The following C4BPA variants were observed in gnomAD, a reference collection of about 807,000 sequenced individuals.
C4BPA encodes the protein C4b-binding protein alpha chain.
A neutral mutation model predicts 63.7 loss-of-function variants in C4BPA; 31 were observed. The observed-to-expected ratio is 0.49, with a 90% CI of 0.37 to 0.66. The LOEUF (loss-of-function observed/expected upper bound fraction) is 0.66, where lower values mean the gene tolerates loss of function less well. Among genes scored for constraint, C4BPA ranks in the 30% least tolerant of loss-of-function variants. C4BPA has a pLI of 0.00. For synonymous variants in C4BPA, 259 were observed against 254.7 expected (o/e 1.02, Z -0.16); for missense variants, 572 against 723.3 (o/e 0.79, Z 2.40).
Position 207,139,414 on chromosome 1 carries a change from C to T in C4BPA, c.1274-1692C>T, listed in dbSNP as rs2842753. 6.7e-3 allele frequency among the ~76,000 whole-genome samples: 1,024 copies of T among 152,220 alleles called. 15 individuals are homozygous for T. The highest frequency in any genetic ancestry group is 0.023 in the African/African-American group (967 of 41,524). ...CTAATTTTCATGTTTCTCTCCCACC[C>T]CTGGGAGATATTGTGGTGGTGTTTT... On this transcript the variant is annotated intron_variant, in intron 9 of 11. Coordinates refer to ENST00000367070, the MANE Select transcript of C4BPA (RefSeq NM_000715.4).
rs114781676 is a variant in C4BPA at position 207,126,034 on chromosome 1, C to T, written c.707-679C>T. On this transcript the variant is annotated intron_variant, in intron 6 of 11. Coordinates refer to ENST00000367070, the MANE Select transcript of C4BPA (RefSeq NM_000715.4). ...TGCACTATGTAATTACCATGGGCCA[C>T]GGACCCATAACCAAAATCATCTAGG... Among the ~76,000 whole-genome samples, 549 of 151,900 alleles carry T rather than the reference C, an allele frequency of 3.6e-3. 8 individuals are homozygous for T. Among genetic ancestry groups the T allele is most frequent in the African/African-American group, 0.012 (503 of 41,404 alleles).
chr1:207,127,314 T>C (rs1452618053), intron 7 of C4BPA: 1 of 152,564 alleles, frequency 6.6e-6, no homozygotes, highest in African/African-American at 2.4e-5. Flanking sequence ...TACAAAAGTA[T>C]TGTGTGAACT....
chr1:207,124,841 A>C (rs934888127), intron 6 of C4BPA, among the ~76,000 whole-genome samples: 1 of 152,256 alleles, frequency 6.6e-6, no homozygotes, highest in Non-Finnish European at 1.5e-5. Context: ...GGAAGCAACC[A>C]CATATCACTT....
Position 207,114,145 on chromosome 1 carries a change from A to G in C4BPA, c.188A>G (p.Asp63Gly). ...PPTLSFAAPM[D>G]ITLTETRFKT... ...ACTTTATCATTTGCTGCCCCGATGG[A>G]TATTACGTTGACTGAGACACGCTTC... The change falls in exon 3 of 12, where the codon GAT becomes GGT. Residue 63 changes from aspartate (D) to glycine (G), a missense_variant. Asp to Gly is a moderately conservative substitution (Grantham distance 94). Coordinates refer to ENST00000367070, the MANE Select transcript of C4BPA (RefSeq NM_000715.4). 1 of 1,613,736 alleles carries G rather than the reference A, an allele frequency of 6.2e-7. No homozygotes were observed. Among genetic ancestry groups the G allele is most frequent in the Non-Finnish European group, 8.5e-7 (1 of 1,179,774 alleles).
intron 6 of C4BPA, 80 bp downstream of exon 6, chr1:207,124,446 G>T: frequency 2.7e-6 from 3 of 1,095,720 alleles, no homozygotes; most frequent in South Asian, 1.4e-5. Flanking sequence ...ATTTATTGGG[G>T]GGCAAATGGA....
At chr1:207,143,158 A>G (rs1418892768) in intron 10 of C4BPA, among the ~76,000 whole-genome samples, 1 of 152,212 alleles carries the variant, frequency 6.6e-6, no homozygotes, top group Non-Finnish European at 1.5e-5. Context: ...TGCAGCCATA[A>G]AAAAGAATGA....
At chr1:207,115,729 A>C (rs1194804517) in intron 4 of C4BPA, among the ~76,000 whole-genome samples, 1 of 152,214 alleles carries the variant, frequency 6.6e-6, no homozygotes, top group Admixed American at 6.5e-5. Flanking sequence ...CCTTATATAA[A>C]TACAAGCTAA....
chr1:207,144,028 C>T (rs372649454), intron 11 of C4BPA, 35 bp downstream of exon 11: 15 of 1,500,744 alleles, frequency 1.0e-5, no homozygotes, highest in East Asian at 9.3e-5. Flanking sequence ...TCTGTGCTGT[C>T]GACCCCTAAA....
At position 207,115,442 on chromosome 1, in the gene C4BPA, T is replaced by G; in HGVS notation, c.355T>G (p.Leu119Val). ...IYKRCRHPGE[L>V]RNGQVEIKTD... ...CAAACGATGCAGACACCCAGGAGAG[T>G]TACGTAATGGGCAAGTAGAGATTAA... Residue 119 changes from leucine to valine, a missense_variant, in exon 4 of 12, where the codon TTA becomes GTA. Physicochemically the swap from Leu to Val is conservative, Grantham distance 32. Transcript: ENST00000367070. 1 of 1,598,590 alleles carries G rather than the reference T, an allele frequency of 6.3e-7. No homozygotes were observed. Among genetic ancestry groups the G allele is most frequent in the Non-Finnish European group, 8.5e-7 (1 of 1,174,504 alleles).
At chr1:207,140,937 A>G (rs895020919) in intron 9 of C4BPA, among the ~76,000 whole-genome samples, 169 bp from the exon 10 acceptor site, 1 of 152,214 alleles carries the variant, frequency 6.6e-6, no homozygotes, top group African/African-American at 2.4e-5. Flanking sequence ...GCCCAGCTTG[A>G]GGCTTACAGG....
intron 7 of C4BPA, among the ~76,000 whole-genome samples, chr1:207,128,863 A>C (rs915640007): frequency 2.7e-5 from 4 of 149,100 alleles, no homozygotes; most frequent in South Asian, 2.1e-4. Flanking sequence ...TTCTGTTTTC[A>C]AAAAAAAAAT....
intron 9 of C4BPA, among the ~76,000 whole-genome samples, chr1:207,135,295 G>A (rs533588698): frequency 3.3e-5 from 5 of 152,018 alleles, no homozygotes; most frequent in East Asian, 1.9e-4. Flanking sequence ...CCGAGATCAC[G>A]CCACTGCATT....
chr1:207,121,450 T>TTTTGA (rs55928467), intron 4 of C4BPA, among the ~76,000 whole-genome samples: 87,834 of 151,110 alleles, frequency 0.58, 26,812 homozygotes, highest in East Asian at 0.73. Flanking sequence ...TTTGGTTTTC[T>TTTTGA]TTTGAATTTG....
At chr1:207,105,006 T>G (rs1684529787) in intron 1 of C4BPA, among the ~76,000 whole-genome samples, 1 of 152,228 alleles carries the variant, frequency 6.6e-6, no homozygotes, top group African/African-American at 2.4e-5. Context: ...CTTTCTGAAT[T>G]TGACGATGCT....
At chr1:207,143,740 C>G in intron 10 of C4BPA, 78 bp from the exon 11 acceptor site, 2 of 975,552 alleles carry the variant, frequency 2.1e-6, no homozygotes, top group Non-Finnish European at 3.2e-6. Flanking sequence ...AAATACAGTT[C>G]ATTCTTATTA....
intron 9 of C4BPA, among the ~76,000 whole-genome samples, chr1:207,137,114 C>T (rs1408886114): frequency 2.0e-5 from 3 of 152,184 alleles, no homozygotes; most frequent in Non-Finnish European, 4.4e-5. Flanking sequence ...TGGGAAGATC[C>T]CCATGTATGT....
At chr1:207,124,154 C>T (rs375865150) in intron 5 of C4BPA, 21 bp from the exon 6 acceptor site, 1 of 1,604,566 alleles carries the variant, frequency 6.2e-7, no homozygotes, top group African/African-American at 1.3e-5. Flanking sequence ...GTATTTCTTT[C>T]TCTTCACTCA....
At position 207,104,376 on chromosome 1, in the gene C4BPA, AG is replaced by A. The variant is rs1015378223; in HGVS notation, c.-79del. ...TAGATCAAGGCAGTTTTCTTCTTTG[AG>A]AAACTATCCCAGATATCATCATAGA... On this transcript the variant is annotated 5_prime_UTR_variant, in exon 1 of 12. Transcript: ENST00000367070. 2.0e-5 allele frequency: 3 copies of A among 152,212 alleles called. No individual in the cohort carries two copies. The highest frequency in any genetic ancestry group is 2.0e-4 in the Admixed American group (3 of 15,278). 9.4% of individuals were successfully genotyped at this position (152,212 alleles called of 1,614,324 possible). A position where few individuals can be genotyped will look rare whatever the true frequency, so the allele number is the denominator to read the frequency against.
chr1:207,134,953 T>C (rs1291359534), intron 9 of C4BPA, among the ~76,000 whole-genome samples: 1 of 152,168 alleles, frequency 6.6e-6, no homozygotes, highest in Non-Finnish European at 1.5e-5. Context: ...CTTGTTTCCT[T>C]CTTCTTCCTC....
Sources: allele counts gnomAD v4.1 joint callset (sites outside exome capture counted in the v4.1 genomes callset), GRCh38; gene constraint gnomAD v4.1.1; transcripts MANE v1.5; gene names NCBI Gene and HGNC (gene_info 2026-07-23, HGNC 2026-07-21).